The following ZSCAN5B variants were observed in gnomAD, a reference collection of about 807,000 sequenced individuals.
The protein encoded by ZSCAN5B is zinc finger and SCAN domain containing 5B, also known as zinc finger and SCAN domain-containing protein 5B.
In ZSCAN5B, 26 loss-of-function variants were observed where a neutral mutation model predicts 25.2. That is an observed-to-expected ratio of 1.03 (90% CI 0.76 to 1.43). The LOEUF is 1.43. Ranked by LOEUF, ZSCAN5B falls within the 40% of genes most tolerant of loss-of-function variation. The pLI is 0.00. For missense variants in ZSCAN5B, 745 were observed against 622.1 expected (o/e 1.20, Z -2.10); for synonymous variants, 244 against 240.9 (o/e 1.01, Z -0.12).
At chr19:56,192,774 C>G (rs267605711) in exon 2 of ZSCAN5B, 1 of 1,610,332 alleles carries the variant, frequency 6.2e-7, no homozygotes, top group Non-Finnish European at 8.5e-7. Context: ...GCATGGAGAT[C>G]ATGAACTGCT....
chr19:56,194,282 T>C (rs941637391), intron 1 of ZSCAN5B, among the ~76,000 whole-genome samples: 1 of 152,106 alleles, frequency 6.6e-6, no homozygotes, highest in Admixed American at 6.6e-5. Context: ...AGTGGGATCA[T>C]ACCATAGAGC....
chr19:56,197,072 G>A (rs1372396493), intron 1 of ZSCAN5B, among the ~76,000 whole-genome samples: 1 of 152,028 alleles, frequency 6.6e-6, no homozygotes, highest in Non-Finnish European at 1.5e-5. Context: ...GAGCCTGGGA[G>A]TTCCAGGCCA....
exon 2 of ZSCAN5B, chr19:56,193,083 G>C: frequency 1.3e-6 from 2 of 1,504,414 alleles, no homozygotes; most frequent in Admixed American, 2.2e-5. Context: ...ATCAGCCTCT[G>C]AGCAAGCTCT....
At chr19:56,192,892 T>C (rs61742910) in exon 2 of ZSCAN5B, 17,015 of 1,614,108 alleles carry the variant, frequency 0.011, 126 homozygotes, top group Non-Finnish European at 0.013. Context: ...GTCCGACTCC[T>C]CTGGGCAGCT....
At chr19:56,190,088 C>A (rs1421897513) in exon 5 of ZSCAN5B, 1 of 1,613,918 alleles carries the variant, frequency 6.2e-7, no homozygotes, top group East Asian at 2.2e-5. Flanking sequence ...ACATGTAGGG[C>A]CTCTCGCCAG....
At chr19:56,191,020 G>GT in intron 3 of ZSCAN5B, 33 bp from the exon 4 acceptor site, 1 of 1,613,740 alleles carries the variant, frequency 6.2e-7, no homozygotes, top group Non-Finnish European at 8.5e-7. Context: ...AATGACTGCC[G>GT]TGTCTATACT....
chr19:56,193,508 T>C (rs1225056207), intron 1 of ZSCAN5B, among the ~76,000 whole-genome samples: 6 of 152,242 alleles, frequency 3.9e-5, no homozygotes, highest in Non-Finnish European at 8.8e-5. Context: ...CAGTTCTTTA[T>C]GTTTTCCCGT....
At chr19:56,193,016 C>G in exon 2 of ZSCAN5B, 1 of 1,593,254 alleles carries the variant, frequency 6.3e-7, no homozygotes, top group South Asian at 1.1e-5. Context: ...TTGCAGGGTC[C>G]TCCCTGACCC....
chr19:56,192,249 A>G (rs962373542), intron 2 of ZSCAN5B, among the ~76,000 whole-genome samples, 196 bp from the exon 3 acceptor site: 2 of 152,186 alleles, frequency 1.3e-5, no homozygotes. Flanking sequence ...AATATGAGTC[A>G]TTTAGATGAA....
At chr19:56,197,530 C>A (rs1328351290) in intron 1 of ZSCAN5B, among the ~76,000 whole-genome samples, 1 of 152,072 alleles carries the variant, frequency 6.6e-6, no homozygotes, top group Non-Finnish European at 1.5e-5. Flanking sequence ...GCCACTGGGC[C>A]CGACCGAGAA....
exon 5 of ZSCAN5B, chr19:56,190,176 T>C: frequency 1.2e-6 from 2 of 1,614,032 alleles, no homozygotes; most frequent in Non-Finnish European, 1.7e-6. Flanking sequence ...AAAGGGTCTG[T>C]CTCCTGTGTG....
At chr19:56,191,597 C>T (rs1217912849) in intron 3 of ZSCAN5B, among the ~76,000 whole-genome samples, 1 of 152,138 alleles carries the variant, frequency 6.6e-6, no homozygotes, top group African/African-American at 2.4e-5. Flanking sequence ...AACTGCCTCC[C>T]TCACTTCACT....
chr19:56,194,959 A>G (rs1279401793), intron 1 of ZSCAN5B, among the ~76,000 whole-genome samples: 1 of 152,144 alleles, frequency 6.6e-6, no homozygotes, highest in Non-Finnish European at 1.5e-5. Flanking sequence ...GGCAAAAGCC[A>G]CTGTATGATA....
intron 1 of ZSCAN5B, among the ~76,000 whole-genome samples, chr19:56,193,836 T>C (rs894721233): frequency 1.4e-4 from 21 of 151,602 alleles, no homozygotes; most frequent in Non-Finnish European, 2.6e-4. Flanking sequence ...GTGGCGGGCG[T>C]CTGTAGTCCC....
Position 56,194,746 on chromosome 19 carries a change from CT to C in ZSCAN5B, c.-127-1568del, listed in dbSNP as rs200012702. Among the ~76,000 whole-genome samples the C allele has an allele frequency of 3.2e-3, 494 of 152,164 alleles. 8 individuals are homozygous for C. The highest frequency in any genetic ancestry group is 0.012 in the African/African-American group (478 of 41,488). Reference sequence around the variant, plus strand: ...GGCTCTCCTTCTTCAGCCTAAGTAGCTGGGATTACAGGCCCCCGCCCAGCTA... The same window carrying C: ...GGCTCTCCTTCTTCAGCCTAAGTAGCGGGATTACAGGCCCCCGCCCAGCTA... On this transcript the variant is annotated intron_variant, in intron 1 of 4. Transcript: ENST00000586855.
chr19:56,192,067 A>C lies in ZSCAN5B; in HGVS notation c.385-14T>G, dbSNP rs1382281049. ...GTTGACTATAGACTGTAGAGAGAAAAAAGACAATCAGACACTATGAGAACC... is the reference window on the plus strand; with the variant it reads ...GTTGACTATAGACTGTAGAGAGAAACAAGACAATCAGACACTATGAGAACC... On this transcript the variant is annotated splice_polypyrimidine_tract_variant and intron_variant, in intron 2 of 4. Coordinates refer to ENST00000586855, the Ensembl canonical transcript of ZSCAN5B. The C allele has an allele frequency of 2.5e-6, 4 of 1,602,422 alleles. 1 individual carries two copies. In the South Asian group the frequency reaches 4.5e-5, roughly 18 times the overall value.
At chr19:56,192,084 A>G in intron 2 of ZSCAN5B, 31 bp from the exon 3 acceptor site, 1 of 1,575,514 alleles carries the variant, frequency 6.3e-7, no homozygotes, top group South Asian at 1.1e-5. Flanking sequence ...ATCAGACACT[A>G]TGAGAACCTG....
rs75028725 is a variant in ZSCAN5B at position 56,191,916 on chromosome 19, C to T, written c.522G>A (p.Pro174=). Residue 174 remains proline (P), a synonymous_variant, in exon 3 of 5, where the codon CCG becomes CCA. Transcript: ENST00000586855. ...GCTCTCGGCGGGCCTGGCCTGTCCC[C>T]GGATGCATCTGGTTCACAGAGGAGG... 6,808 of 1,614,018 alleles carry T rather than the reference C, an allele frequency of 4.2e-3. 70 individuals carry two copies. The highest frequency in any genetic ancestry group is 0.038 in the African/African-American group (2,836 of 75,012).
chr19:56,193,081 C>T (rs1470636403), exon 2 of ZSCAN5B: 24 of 1,505,256 alleles, frequency 1.6e-5, no homozygotes, highest in Non-Finnish European at 2.1e-5. Flanking sequence ...CAATCAGCCT[C>T]TGAGCAAGCT....
Sources: gnomAD v4.1 joint callset for allele counts (sites outside exome capture counted in the v4.1 genomes callset) on GRCh38, gnomAD v4.1.1 for gene constraint, MANE v1.5 for transcripts, NCBI Gene and HGNC (gene_info 2026-07-23, HGNC 2026-07-21) for gene names.